The following MTFR1L variants were observed in gnomAD, a reference collection of about 807,000 sequenced individuals.
The protein encoded by MTFR1L is mitochondrial fission regulator 1-like.
A neutral mutation model predicts 27.9 loss-of-function variants in MTFR1L; 10 were observed. The observed-to-expected ratio is 0.36, with a 90% CI of 0.22 to 0.61. MTFR1L has a LOEUF of 0.61. Among genes scored for constraint, MTFR1L ranks in the 20% least tolerant of loss-of-function variants. The pLI is 0.73. For synonymous variants in MTFR1L, 151 were observed against 139.4 expected (o/e 1.08, Z -0.58); for missense variants, 315 against 363.7 (o/e 0.87, Z 1.09).
rs58504236 is a variant in MTFR1L at position 25,832,734 on chromosome 1, G to A, written c.*708G>A. The A allele has an allele frequency of 0.045, 7,069 of 156,936 alleles. 541 individuals are homozygous for A. Among genetic ancestry groups the A allele is most frequent in the African/African-American group, 0.16 (6,650 of 41,500 alleles). The allele number at this position is 156,936 out of a possible 1,614,324, so 9.7% of individuals were successfully genotyped here. On this transcript the variant is annotated 3_prime_UTR_variant, in exon 7 of 7. Transcript: ENST00000374303. ...TTTCTCTTCCACGGACTTTAAGCCC[G>A]GTAGGAAAGAGAGAGGAGGAGGGGG...
In MTFR1L at chr1:25,832,506, G is replaced by A. The variant is rs2048259563; in HGVS notation, c.*480G>A. ...GGCACGGAAAATCTTATGCTGCTCC[G>A]TCATAAACCTACACCAATGCCCAGC... On this transcript the variant is annotated 3_prime_UTR_variant, in exon 7 of 7. Coordinates refer to ENST00000374303, the MANE Select transcript of MTFR1L (RefSeq NM_001099625.2). 7.4e-6 allele frequency: 2 copies of A among 270,296 alleles called. No individual in the cohort carries two copies. Among genetic ancestry groups the A allele is most frequent in the South Asian group, 5.1e-5 (1 of 19,590 alleles). 16.7% of individuals were successfully genotyped at this position (270,296 alleles called of 1,614,324 possible).
At chr1:25,828,166 C>T (rs2048191286) in intron 5 of MTFR1L, among the ~76,000 whole-genome samples, 1 of 152,200 alleles carries the variant, frequency 6.6e-6, no homozygotes, top group East Asian at 1.9e-4. Flanking sequence ...CTGCTAGTGA[C>T]ATTGTCCCCA....
rs116015767 is a variant in MTFR1L, at chr1:25,820,906, G to A, written c.-87+877G>A. ...AGCGCACAGGAAAGGACCTGACCCT[G>A]TCGCAGGGAAGGAAGGTGATGCTTA... On this transcript the variant is annotated intron_variant, in intron 1 of 6. Coordinates refer to ENST00000374303, the MANE Select transcript of MTFR1L (RefSeq NM_001099625.2). 2,335 of 341,032 alleles carry A rather than the reference G, an allele frequency of 6.8e-3. 55 individuals are homozygous for A. Among genetic ancestry groups the A allele is most frequent in the African/African-American group, 0.051 (2,190 of 42,902 alleles). The allele number at this position is 341,032 out of a possible 1,614,324, so 21.1% of individuals were successfully genotyped here.
chr1:25,826,863 C>G lies in MTFR1L; in HGVS notation c.451+37C>G. 6.2e-7 allele frequency: 1 copy of G among 1,602,154 alleles called. No homozygotes were observed. The highest frequency in any genetic ancestry group is 8.5e-7 in the Non-Finnish European group (1 of 1,172,934). On this transcript the variant is annotated intron_variant, in intron 5 of 6. Transcript: ENST00000374303. The surrounding 1 kb of genome is among the most constrained non-coding windows in gnomAD (Gnocchi z 4.1). The stretch of plus-strand genomic sequence containing the variant: ...TGTGCCAGGGCCAGAACGTAACAGG[C>G]TGTTCCTTTCCCCTGGCTCTTGGGC...
Position 25,832,317 on chromosome 1 carries a change from C to T in MTFR1L, c.*291C>T, listed in dbSNP as rs1259259939. On this transcript the variant is annotated 3_prime_UTR_variant, in exon 7 of 7. Coordinates refer to ENST00000374303, the MANE Select transcript of MTFR1L (RefSeq NM_001099625.2). ...AGAAGTTGTTTCTGGTTTTTCCTTG[C>T]CCCTGTGTGAAAATAGGTCCTAAAT... 6 of 811,612 alleles carry T rather than the reference C, an allele frequency of 7.4e-6. No homozygotes were observed. In the East Asian group the frequency reaches 1.6e-4, roughly 22 times the overall value. 50.3% of individuals were successfully genotyped at this position (811,612 alleles called of 1,614,324 possible).
At chr1:25,823,523 A>C in intron 2 of MTFR1L, 121 bp from the exon 3 acceptor site, 22 of 1,465,700 alleles carry the variant, frequency 1.5e-5, no homozygotes, top group Non-Finnish European at 1.9e-5. Context: ...ACTTGCCCCT[A>C]GAGAGTGCCC....
chr1:25,820,642 G>A (rs574609934), intron 1 of MTFR1L: 20 of 415,502 alleles, frequency 4.8e-5, no homozygotes, highest in African/African-American at 3.0e-4. Flanking sequence ...AGCCTCCGGA[G>A]GGCTGCGGGG....
chr1:25,832,497 T>C lies in MTFR1L; in HGVS notation c.*471T>C, dbSNP rs1466749197. ...TGTTCACAGGGCACGGAAAATCTTA[T>C]GCTGCTCCGTCATAAACCTACACCA... On this transcript the variant is annotated 3_prime_UTR_variant, in exon 7 of 7. Transcript: ENST00000374303. 1.4e-5 allele frequency: 4 copies of C among 294,688 alleles called. No homozygotes were observed. Among genetic ancestry groups the C allele is most frequent in the South Asian group, 4.3e-5 (1 of 23,480 alleles). 18.3% of individuals were successfully genotyped at this position (294,688 alleles called of 1,614,324 possible).
chr1:25,826,418 G>A lies in MTFR1L; in HGVS notation c.239+7G>A. 2 of 1,614,018 alleles carry A rather than the reference G, an allele frequency of 1.2e-6. No homozygotes were observed. The highest frequency in any genetic ancestry group is 1.1e-5 in the South Asian group (1 of 91,074). On this transcript the variant is annotated splice_region_variant and intron_variant, in intron 4 of 6. Coordinates refer to ENST00000374303, the MANE Select transcript of MTFR1L (RefSeq NM_001099625.2). This position sits in a 1 kb window ranked among gnomAD's most constrained non-coding sequence, Gnocchi z 4.1. ...AGACATATGCCCGGGTCAGGTAGTT[G>A]AGGCAGTAGCTGGTCTGCTAAGGAA...
At chr1:25,820,993 A>G in intron 1 of MTFR1L, 1 of 289,906 alleles carries the variant, frequency 3.4e-6, no homozygotes, top group Non-Finnish European at 6.6e-6. Flanking sequence ...TGTTTGATGC[A>G]GGGCTCAGAG....
chr1:25,824,388 C>CT (rs1323543849), intron 3 of MTFR1L, among the ~76,000 whole-genome samples: 3 of 152,154 alleles, frequency 2.0e-5, no homozygotes, highest in Non-Finnish European at 4.4e-5. Context: ...CCAGCTGCCT[C>CT]CCTCTAGGAA....
Position 25,823,649 on chromosome 1 carries a change from C to T in MTFR1L, c.30C>T (p.Ile10=), listed in dbSNP as rs535212212. 7 of 1,613,886 alleles carry T rather than the reference C, an allele frequency of 4.3e-6. No homozygotes were observed. The African/African-American group carries it at 8.0e-5, about 18-fold the overall frequency. Residue 10 remains isoleucine, a synonymous_variant, in exon 3 of 7, where the codon ATC becomes ATT. Coordinates refer to ENST00000374303, the MANE Select transcript of MTFR1L (RefSeq NM_001099625.2). MSGMEATVT[I]PIWQNKPHGA... ...TCTCCGTCTCTTTGCTCCAGACCAT[C>T]CCAATCTGGCAAAACAAGCCACATG... is the stretch of plus-strand genomic sequence containing the variant.
At chr1:25,820,113 TGCGGAGCCCGCA>T in intron 1 of MTFR1L, 84 bp downstream of exon 1, 1 of 444,162 alleles carries the variant, frequency 2.3e-6, no homozygotes, top group Non-Finnish European at 4.5e-6. Context: ...CCGGGCGCTG[TGCGGAGCCCGCA>T]GCTCCTGTTC....
chr1:25,828,608 T>C (rs562109331), intron 5 of MTFR1L, among the ~76,000 whole-genome samples: 2 of 151,690 alleles, frequency 1.3e-5, no homozygotes, highest in African/African-American at 4.8e-5. Context: ...ACAAGCCCTG[T>C]AACCCACCCC....
At chr1:25,829,046 G>A (rs1307911275) in intron 5 of MTFR1L, among the ~76,000 whole-genome samples, 1 of 152,188 alleles carries the variant, frequency 6.6e-6, no homozygotes, top group Non-Finnish European at 1.5e-5. Flanking sequence ...AATTTGGGGA[G>A]GTTGGGAGGT....
Position 25,832,407 on chromosome 1 carries a change from T to TTA in MTFR1L, c.*381_*382insTA, listed in dbSNP as rs1302175513. ...AAGACACTTTGTGCCCAGCTGTCACTCACTCAGCAGCTTCCTTGCAGCAGA... is the reference window on the plus strand; with the variant it reads ...AAGACACTTTGTGCCCAGCTGTCACTTACACTCAGCAGCTTCCTTGCAGCAGA... On this transcript the variant is annotated 3_prime_UTR_variant, in exon 7 of 7. Coordinates refer to ENST00000374303, the MANE Select transcript of MTFR1L (RefSeq NM_001099625.2). The TTA allele has an allele frequency of 1.4e-5, 6 of 437,362 alleles. No homozygotes were observed. In the Admixed American group the frequency reaches 2.9e-4, roughly 21 times the overall value. 27.1% of individuals were successfully genotyped at this position (437,362 alleles called of 1,614,324 possible).
At chr1:25,820,190 A>T (rs1472218131) in intron 1 of MTFR1L, 161 bp downstream of exon 1, 4 of 453,436 alleles carry the variant, frequency 8.8e-6, no homozygotes, top group South Asian at 4.7e-5. Flanking sequence ...CCCGGGGGAA[A>T]CTGAGTCCCC....
In MTFR1L at chr1:25,826,694, C is replaced by A. The variant is rs778295214; in HGVS notation, c.319C>A (p.Leu107Met). 5.6e-6 allele frequency: 9 copies of A among 1,614,216 alleles called. No homozygotes were observed. Among genetic ancestry groups the A allele is most frequent in the Non-Finnish European group, 7.6e-6 (9 of 1,180,038 alleles). ...GCAGCGCAATGCCTCTGTTCCCAAC[C>A]TGCGTGGGTCCGAGGAGAGGCTTCT... Reference protein sequence around the residue: ...VMQRNASVPNLRGSEERLLAL... With the variant: ...VMQRNASVPNMRGSEERLLAL... Residue 107 changes from leucine (L) to methionine (M), a missense_variant, in exon 5 of 7, where the codon CTG becomes ATG. Physicochemically the swap from Leu to Met is conservative, Grantham distance 15. Coordinates refer to ENST00000374303, the MANE Select transcript of MTFR1L (RefSeq NM_001099625.2). The surrounding 1 kb of genome is among the most constrained non-coding windows in gnomAD (Gnocchi z 4.1).
intron 6 of MTFR1L, among the ~76,000 whole-genome samples, chr1:25,831,340 G>A (rs1386507927): frequency 6.6e-6 from 1 of 152,044 alleles, no homozygotes. Flanking sequence ...AGATAACTTG[G>A]GCCTACTTCA....
Sources: gnomAD v4.1 joint callset for allele counts (sites outside exome capture counted in the v4.1 genomes callset) on GRCh38, gnomAD v4.1.1 for gene constraint, Gnocchi (gnomAD v3.1) non-coding constraint, MANE v1.5 for transcripts, NCBI Gene and HGNC (gene_info 2026-07-23, HGNC 2026-07-21) for gene names.